RANBP2: variants seen among roughly 807,000 people sequenced by gnomAD.
RANBP2 encodes E3 SUMO-protein ligase RanBP2.
RANBP2 carries 57 observed loss-of-function variants against 303.6 expected under a neutral mutation model. The ratio of observed to expected loss-of-function variants is 0.19; its 90% CI spans 0.15 to 0.23. RANBP2 has a LOEUF of 0.23. RANBP2 is among the 10% of genes least tolerant of loss of function. The probability of loss-of-function intolerance (pLI) is 1.00; values close to 1 mark genes in which losing one functional copy is unlikely to be tolerated. For missense variants in RANBP2, 3,138 were observed against 3,780.8 expected (o/e 0.83, Z 4.46); for synonymous variants, 1,167 against 1,301.5 (o/e 0.90, Z 2.23).
chr2:108,856,878 C>T, the RANBP2 span: 1 of 1,612,906 alleles, frequency 6.2e-7, no homozygotes. Context: ...GAGTATCAGG[C>T]TGTTCCAGTA....
At chr2:108,975,132 G>T in the RANBP2 span, among the ~76,000 whole-genome samples, 36 of 152,226 alleles carry the variant, frequency 2.4e-4, no homozygotes, top group South Asian at 1.2e-3. Context: ...GTCTGAGGGT[G>T]CTGGGCAGGG....
chr2:109,729,510 G>T, the RANBP2 span, among the ~76,000 whole-genome samples: 1 of 152,014 alleles, frequency 6.6e-6, no homozygotes, highest in East Asian at 1.9e-4. Flanking sequence ...AGCTGGGTGT[G>T]GTCACTAATC....
the RANBP2 span, chr2:108,929,061 A>G: frequency 4.9e-6 from 5 of 1,014,338 alleles, no homozygotes; most frequent in South Asian, 5.5e-5. Flanking sequence ...TCCTTGTGGG[A>G]TGGGACCAAG....
chr2:108,804,993 T>A, the RANBP2 span: 1 of 1,534,890 alleles, frequency 6.5e-7, no homozygotes, highest in South Asian at 1.3e-5. Flanking sequence ...AATTGAATGA[T>A]ACCTTAAAAA....
chr2:108,724,793 T>G (rs1694558425), intron 1 of RANBP2, among the ~76,000 whole-genome samples: 1 of 151,900 alleles, frequency 6.6e-6, no homozygotes, highest in South Asian at 2.1e-4. Flanking sequence ...TCTAGACTTT[T>G]CCTCATTGTC....
At chr2:109,260,430 G>A in the RANBP2 span, among the ~76,000 whole-genome samples, 1 of 152,320 alleles carries the variant, frequency 6.6e-6, no homozygotes, top group Non-Finnish European at 1.5e-5. Context: ...GATGGGTTCA[G>A]GGCCAGAGAA....
At chr2:109,552,959 T>C in the RANBP2 span, 3 of 1,058,064 alleles carry the variant, frequency 2.8e-6, no homozygotes, top group Non-Finnish European at 1.4e-6. Flanking sequence ...TACTATGTGT[T>C]GGAAAAGCTA....
At chr2:109,428,148 G>A in the RANBP2 span, among the ~76,000 whole-genome samples, 2 of 152,220 alleles carry the variant, frequency 1.3e-5, no homozygotes, top group East Asian at 3.9e-4. Flanking sequence ...TCCCTAATTC[G>A]AGCCAGCGTG....
chr2:109,646,601 C>T, the RANBP2 span, among the ~76,000 whole-genome samples: 2 of 151,892 alleles, frequency 1.3e-5, no homozygotes, highest in Non-Finnish European at 2.9e-5. Flanking sequence ...AAGTGATTCT[C>T]CTGCATCAGC....
chr2:109,700,998 C>T, the RANBP2 span, among the ~76,000 whole-genome samples: 2 of 152,146 alleles, frequency 1.3e-5, no homozygotes, highest in African/African-American at 4.8e-5. Context: ...GGAGGTTCAG[C>T]CTCACAGCCT....
the RANBP2 span, among the ~76,000 whole-genome samples, chr2:109,097,842 G>A: frequency 6.6e-6 from 1 of 151,722 alleles, no homozygotes; most frequent in Non-Finnish European, 1.5e-5. Flanking sequence ...ATGTTCCATG[G>A]TTCTGACTGA....
the RANBP2 span, among the ~76,000 whole-genome samples, chr2:109,709,925 T>TA: frequency 6.6e-6 from 1 of 151,530 alleles, no homozygotes; most frequent in Non-Finnish European, 1.5e-5. Context: ...CCATCTCTAT[T>TA]AAAAATACAA....
chr2:108,750,602 C>CTTTTT (rs367982407), intron 9 of RANBP2, among the ~76,000 whole-genome samples: 1 of 142,120 alleles, frequency 7.0e-6, no homozygotes. Flanking sequence ...CTTTTCTTTT[C>CTTTTT]TTTGAGACAG....
chr2:109,255,691 G>T, the RANBP2 span, among the ~76,000 whole-genome samples: 1 of 152,198 alleles, frequency 6.6e-6, no homozygotes, highest in East Asian at 1.9e-4. Context: ...GAAAACATGT[G>T]GAGGACACTG....
rs1695578373 is a variant in RANBP2 at position 108,736,266 on chromosome 2, A to G, written c.782+17A>G. ...ACTGCAAAGGTACGTTGACTTTGAG[A>G]AGAATGCTTTAGTATAAATTGCAGT... On this transcript the variant is annotated intron_variant, in intron 6 of 28. Coordinates refer to ENST00000283195, the MANE Select transcript of RANBP2 (RefSeq NM_006267.5). 6.2e-6 allele frequency: 10 copies of G among 1,611,976 alleles called. No individual in the cohort carries two copies. Among genetic ancestry groups the G allele is most frequent in the East Asian group, 2.2e-5 (1 of 44,862 alleles).
chr2:109,167,458 C>T, the RANBP2 span, among the ~76,000 whole-genome samples: 2 of 152,154 alleles, frequency 1.3e-5, no homozygotes, highest in Non-Finnish European at 2.9e-5. Context: ...GAAATAACCC[C>T]CAGGCTAGGA....
the RANBP2 span, among the ~76,000 whole-genome samples, chr2:109,099,126 G>A: frequency 6.6e-6 from 1 of 152,192 alleles, no homozygotes; most frequent in South Asian, 2.1e-4. Context: ...GGTTGGCTAA[G>A]TGTACTTATT....
the RANBP2 span, among the ~76,000 whole-genome samples, chr2:108,888,772 C>T: frequency 6.6e-6 from 1 of 151,338 alleles, no homozygotes; most frequent in African/African-American, 2.4e-5. Context: ...GTTGTTGAGT[C>T]TTTGTATTTT....
the RANBP2 span, among the ~76,000 whole-genome samples, chr2:108,951,408 C>A: frequency 6.6e-6 from 1 of 152,174 alleles, no homozygotes; most frequent in Non-Finnish European, 1.5e-5. Context: ...AGGAATTCGA[C>A]CAGAAAGGCC....
Sources: gnomAD v4.1 joint callset for allele counts (sites outside exome capture counted in the v4.1 genomes callset) on GRCh38, gnomAD v4.1.1 for gene constraint, MANE v1.5 for transcripts, NCBI Gene and HGNC (gene_info 2026-07-23, HGNC 2026-07-21) for gene names.